The following KLHL8 variants were observed in gnomAD, a reference collection of about 807,000 sequenced individuals.
KLHL8 encodes the protein kelch like family member 8.
A neutral mutation model predicts 63.5 loss-of-function variants in KLHL8; 38 were observed. That is an observed-to-expected ratio of 0.60 (90% CI 0.46 to 0.78). The LOEUF (loss-of-function observed/expected upper bound fraction) is 0.78, where lower values mean the gene tolerates loss of function less well. Ranked by LOEUF, KLHL8 falls within the 30% of genes least tolerant of loss-of-function variation. The pLI is 0.00. For synonymous variants in KLHL8, 224 were observed against 254.3 expected, an observed-to-expected ratio of 0.88 and a Z score of 1.13; for missense variants, 566 against 752.4, an observed-to-expected ratio of 0.75 and a Z score of 2.90.
At chr4:87,239,100 G>A (rs4331742) in intron 1 of KLHL8, among the ~76,000 whole-genome samples, 98,065 of 152,006 alleles carry the variant, frequency 0.65, 31,816 homozygotes, top group East Asian at 0.73. Context: ...TTCGCACTCA[G>A]TAAGGTTCTT....
chr4:87,183,304 T>A lies in KLHL8; in HGVS notation c.851A>T (p.Asp284Val), dbSNP rs574516488. 3 of 1,613,642 alleles carry A rather than the reference T, an allele frequency of 1.9e-6. No homozygotes were observed. Among genetic ancestry groups the A allele is most frequent in the Non-Finnish European group, 2.5e-6 (3 of 1,179,686 alleles). ...QIVKQNLKCR[D>V]LLDEARNYHL... ...GTAATTTCTTGCTTCATCCAGTAAA[T>A]CTCTACATTTTAGATTTTGCTTGAC... The change falls in exon 4 of 10, where the codon GAT becomes GTT. Residue 284 changes from aspartate to valine, a missense_variant. Asp to Val is a radical substitution (Grantham distance 152). Transcript: ENST00000273963.
intron 1 of KLHL8, chr4:87,207,627 C>T: frequency 8.2e-7 from 1 of 1,221,520 alleles, no homozygotes; most frequent in Non-Finnish European, 1.2e-6. Context: ...TCCATGCCAT[C>T]ACTGCCACCC....
chr4:87,220,229 C>T (rs1011879082), intron 1 of KLHL8, 189 bp downstream of exon 1: 2 of 152,440 alleles, frequency 1.3e-5, no homozygotes, highest in Admixed American at 6.5e-5. Flanking sequence ...CAAGCCCTCT[C>T]AGCTGTGGAG....
At chr4:87,178,750 T>A in intron 4 of KLHL8, 130 bp from the exon 5 acceptor site, 1 of 849,634 alleles carries the variant, frequency 1.2e-6, no homozygotes, top group Non-Finnish European at 1.7e-6. Flanking sequence ...GTTATTATGT[T>A]ACTAGAAATC....
In KLHL8 at chr4:87,237,211, C is replaced by A. The variant is rs538497833; in HGVS notation, n.57+3047G>T. Among the ~76,000 whole-genome samples the A allele has an allele frequency of 1.1e-3, 172 of 152,130 alleles. 3 individuals are homozygous for A. Among genetic ancestry groups the A allele is most frequent in the Non-Finnish European group, 2.6e-4 (18 of 68,004 alleles). ...ATCCAACTGTCTGCTGGGGAAGACA[C>A]TATAATAATGCAAATAACAGCAATA... On this transcript the variant is annotated intron_variant and non_coding_transcript_variant, in intron 1 of 1. Coordinates refer to the KLHL8 transcript ENST00000506274.
intron 1 of KLHL8, among the ~76,000 whole-genome samples, chr4:87,198,626 T>C (rs1731791905): frequency 6.6e-6 from 1 of 152,094 alleles, no homozygotes; most frequent in Non-Finnish European, 1.5e-5. Flanking sequence ...GGAGAACAGA[T>C]TATTGTTTGC....
chr4:87,218,798 G>A lies in KLHL8; in HGVS notation c.-152+1620C>T, dbSNP rs558425427. 2.6e-5 allele frequency among the ~76,000 whole-genome samples: 4 copies of A among 152,134 alleles called. No individual in the cohort carries two copies. In the East Asian group the frequency reaches 7.8e-4, roughly 30 times the overall value. ...CGCCCAGGCTGGAGCGCAGTGGCAT[G>A]ATCTCGGTTCACTGCAACCTCCGCC... On this transcript the variant is annotated intron_variant, in intron 1 of 9. Coordinates refer to ENST00000273963, the MANE Select transcript of KLHL8 (RefSeq NM_020803.5).
chr4:87,163,993 T>C lies in KLHL8; in HGVS notation c.1624A>G (p.Thr542Ala). The change falls in exon 9 of 10, where the codon ACT (threonine) becomes GCT (alanine). Residue 542 changes from threonine to alanine, a missense_variant. Coordinates refer to ENST00000273963, the MANE Select transcript of KLHL8 (RefSeq NM_020803.5). The part of the protein sequence containing the change: ...NKWDYVAALT[T>A]PRGGVGIATV... The stretch of plus-strand genomic sequence containing the variant: ...GCGATTCCCACTCCACCTCTGGGAG[T>C]AGTAAGTGCTGCCACATAATCCCAC... 1 of 1,614,060 alleles carries C rather than the reference T, an allele frequency of 6.2e-7. No homozygotes were observed. Among genetic ancestry groups the C allele is most frequent in the Non-Finnish European group, 8.5e-7 (1 of 1,179,988 alleles).
chr4:87,225,218 A>G (rs767475185), upstream of KLHL8, among the ~76,000 whole-genome samples: 21 of 151,618 alleles, frequency 1.4e-4, no homozygotes, highest in Non-Finnish European at 2.8e-4. Context: ...TAATTAGGAA[A>G]CCTTTCTTGG....
intron 1 of KLHL8, 199 bp downstream of exon 1, chr4:87,220,219 C>T (rs570521659): frequency 6.6e-6 from 1 of 152,630 alleles, no homozygotes; most frequent in Admixed American, 6.5e-5. Flanking sequence ...GTCCGGGCCC[C>T]AAGCCCTCTC....
At chr4:87,165,085 G>C (rs892378745) in intron 8 of KLHL8, among the ~76,000 whole-genome samples, 1 of 144,286 alleles carries the variant, frequency 6.9e-6, no homozygotes, top group East Asian at 2.0e-4. Flanking sequence ...GGAGGCGGAC[G>C]CTTGCAGTGA....
chr4:87,181,366 A>G (rs1190054169), intron 4 of KLHL8, among the ~76,000 whole-genome samples: 1 of 152,070 alleles, frequency 6.6e-6, no homozygotes, highest in African/African-American at 2.4e-5. Flanking sequence ...AGAAAGCGCC[A>G]CTGCTCCCCA....
intron 1 of KLHL8, among the ~76,000 whole-genome samples, chr4:87,204,556 T>C (rs1732042923): frequency 6.6e-6 from 1 of 152,112 alleles, no homozygotes; most frequent in Non-Finnish European, 1.5e-5. Context: ...AAACTGAAAA[T>C]AATCCAAATA....
chr4:87,235,053 A>T (rs1733202921), intron 1 of KLHL8, among the ~76,000 whole-genome samples: 2 of 152,344 alleles, frequency 1.3e-5, no homozygotes, highest in South Asian at 4.1e-4. Flanking sequence ...ACAGTAAGCT[A>T]GGGTTGGTTT....
intron 1 of KLHL8, among the ~76,000 whole-genome samples, chr4:87,212,288 C>T (rs2110046771): frequency 6.6e-6 from 1 of 152,270 alleles, no homozygotes; most frequent in South Asian, 2.1e-4. Context: ...GTGAGTTATA[C>T]AACCTAGTAA....
intron 1 of KLHL8, chr4:87,207,735 G>C (rs1578395396): frequency 1.2e-6 from 1 of 865,180 alleles, no homozygotes; most frequent in Non-Finnish European, 2.0e-6. Flanking sequence ...CCAAGGCTGT[G>C]GGAAAGGCCC....
intron 1 of KLHL8, among the ~76,000 whole-genome samples, chr4:87,217,581 A>T (rs1403695293): frequency 1.3e-5 from 2 of 151,396 alleles, no homozygotes; most frequent in Non-Finnish European, 2.9e-5. Context: ...CCTGGGATCA[A>T]GCAATTGGCC....
intron 1 of KLHL8, among the ~76,000 whole-genome samples, chr4:87,214,872 C>T (rs1732540080): frequency 6.6e-6 from 1 of 152,002 alleles, no homozygotes; most frequent in Admixed American, 6.6e-5. Flanking sequence ...AATCTCAGCT[C>T]ACTGCAGCCT....
At chr4:87,216,574 A>C (rs952501548) in intron 1 of KLHL8, among the ~76,000 whole-genome samples, 1 of 152,180 alleles carries the variant, frequency 6.6e-6, no homozygotes, top group Non-Finnish European at 1.5e-5. Flanking sequence ...CCCTTGGAAG[A>C]CCATTTATGC....
Sources: allele counts gnomAD v4.1 joint callset (sites outside exome capture counted in the v4.1 genomes callset), GRCh38; gene constraint gnomAD v4.1.1; transcripts MANE v1.5; gene names NCBI Gene and HGNC (gene_info 2026-07-23, HGNC 2026-07-21).